The following PPARGC1A variants were observed in gnomAD, a reference collection of about 807,000 sequenced individuals.
PPARGC1A encodes the protein PPARG coactivator 1 alpha.
PPARGC1A carries 25 observed loss-of-function variants against 88.7 expected under a neutral mutation model. The observed-to-expected ratio is 0.28, with a 90% confidence interval of 0.21 to 0.39. The LOEUF (loss-of-function observed/expected upper bound fraction) is 0.39. Among genes scored for constraint, PPARGC1A ranks in the 10% least tolerant of loss-of-function variants. PPARGC1A has a pLI of 1.00. For synonymous variants in PPARGC1A, 363 were observed against 355.6 expected (o/e 1.02, Z -0.24); for missense variants, 880 against 968.7 (o/e 0.91, Z 1.22).
chr4:24,311,387 C>G, the PPARGC1A span, among the ~76,000 whole-genome samples: 22 of 149,818 alleles, frequency 1.5e-4, no homozygotes, highest in African/African-American at 5.4e-4. Context: ...AGGCGTGAGC[C>G]ACCATGCCCG....
At chr4:24,312,633 CAA>C in the PPARGC1A span, among the ~76,000 whole-genome samples, 21 of 125,992 alleles carry the variant, frequency 1.7e-4, no homozygotes, top group South Asian at 5.1e-4. Flanking sequence ...TTTCATCAAC[CAA>C]AAAAAAAAAA....
At chr4:24,367,147 G>A in the PPARGC1A span, among the ~76,000 whole-genome samples, 1 of 152,188 alleles carries the variant, frequency 6.6e-6, no homozygotes, top group Non-Finnish European at 1.5e-5. Flanking sequence ...GTAATCACTA[G>A]TAAGAGCCTA....
At chr4:24,296,036 ATGTG>A in the PPARGC1A span, among the ~76,000 whole-genome samples, 1 of 151,090 alleles carries the variant, frequency 6.6e-6, no homozygotes, top group Non-Finnish European at 1.5e-5. Flanking sequence ...GTGTGTATAT[ATGTG>A]TATGTGTGTA....
chr4:24,165,477 T>C, the PPARGC1A span, among the ~76,000 whole-genome samples: 15 of 152,234 alleles, frequency 9.9e-5, no homozygotes, highest in Non-Finnish European at 1.8e-4. Flanking sequence ...CATTGTTTTA[T>C]TGTGCTTTGC....
At chr4:24,091,726 G>T in the PPARGC1A span, 1 of 781,586 alleles carries the variant, frequency 1.3e-6, no homozygotes, top group Non-Finnish European at 1.6e-6. Context: ...GGGCTACCCA[G>T]ACAGATGCCA....
chr4:23,807,838 T>C (rs1720111387), intron 10 of PPARGC1A, among the ~76,000 whole-genome samples: 1 of 152,134 alleles, frequency 6.6e-6, no homozygotes, highest in Non-Finnish European at 1.5e-5. Context: ...AGGTACTATG[T>C]TGTATAGCAG....
chr4:24,291,043 T>C, the PPARGC1A span, among the ~76,000 whole-genome samples: 1 of 152,180 alleles, frequency 6.6e-6, no homozygotes, highest in Non-Finnish European at 1.5e-5. Flanking sequence ...CCCTCCTCTC[T>C]GGTTAGCCCT....
At chr4:24,188,113 C>T in the PPARGC1A span, among the ~76,000 whole-genome samples, 2 of 152,138 alleles carry the variant, frequency 1.3e-5, no homozygotes, top group African/African-American at 4.8e-5. Context: ...AAGGCAATGG[C>T]ATAATATAAT....
the PPARGC1A span, among the ~76,000 whole-genome samples, chr4:24,065,517 A>T: frequency 6.6e-6 from 1 of 152,166 alleles, no homozygotes; most frequent in Non-Finnish European, 1.5e-5. Flanking sequence ...CTTTTCATAG[A>T]ATTCATACCT....
At chr4:23,952,567 T>C in the PPARGC1A span, among the ~76,000 whole-genome samples, 4 of 152,144 alleles carry the variant, frequency 2.6e-5, no homozygotes, top group Non-Finnish European at 5.9e-5. Context: ...TGCTGTGTCC[T>C]CTTTTTTACC....
chr4:24,207,060 G>C, the PPARGC1A span, among the ~76,000 whole-genome samples: 1 of 151,940 alleles, frequency 6.6e-6, no homozygotes, highest in African/African-American at 2.4e-5. Context: ...AATGGGACTA[G>C]TCTTGCTCTC....
chr4:24,343,888 C>A, the PPARGC1A span, among the ~76,000 whole-genome samples: 2 of 148,872 alleles, frequency 1.3e-5, no homozygotes, highest in Admixed American at 6.7e-5. Context: ...TTATCCCTCA[C>A]CCCCCTCCCA....
chr4:24,126,267 CCACACACACA>C, the PPARGC1A span, among the ~76,000 whole-genome samples: 4 of 146,444 alleles, frequency 2.7e-5, no homozygotes, highest in South Asian at 2.2e-4. Context: ...TGGCTTCTCA[CCACACACACA>C]CACACACACA....
At chr4:24,167,917 C>A in the PPARGC1A span, among the ~76,000 whole-genome samples, 1 of 152,016 alleles carries the variant, frequency 6.6e-6, no homozygotes, top group East Asian at 1.9e-4. Flanking sequence ...CCATGCCTGG[C>A]TACTTTTTTT....
rs999278855 is a variant in PPARGC1A at position 23,792,233 on chromosome 4, C to T, written c.*3589G>A. ...ACCAACAGTATTACACTTTCACCTA[C>T]AAATCTTAAAGTAGCTCCATCAAAT... On this transcript the variant is annotated 3_prime_UTR_variant, in exon 13 of 13. Coordinates refer to ENST00000264867, the MANE Select transcript of PPARGC1A (RefSeq NM_013261.5). 5.2e-5 allele frequency: 8 copies of T among 152,602 alleles called. No individual in the cohort carries two copies. The highest frequency in any genetic ancestry group is 1.9e-4 in the African/African-American group (8 of 41,462). 9.5% of individuals were successfully genotyped at this position (152,602 alleles called of 1,614,324 possible). A position where few individuals can be genotyped will look rare whatever the true frequency, so the allele number is the denominator to read the frequency against.
chr4:24,199,676 C>CCTA, the PPARGC1A span, among the ~76,000 whole-genome samples: 3 of 152,190 alleles, frequency 2.0e-5, no homozygotes, highest in South Asian at 4.1e-4. Context: ...GAAATAAATT[C>CCTA]CTACTCAAAA....
chr4:24,404,780 G>A, the PPARGC1A span, among the ~76,000 whole-genome samples: 2 of 152,116 alleles, frequency 1.3e-5, no homozygotes, highest in African/African-American at 4.8e-5. Context: ...CCTTTTCTTT[G>A]GCAGAGTTGG....
At chr4:23,849,890 T>C (rs1173403909) in intron 2 of PPARGC1A, among the ~76,000 whole-genome samples, 1 of 151,806 alleles carries the variant, frequency 6.6e-6, no homozygotes, top group Non-Finnish European at 1.5e-5. Flanking sequence ...CCTGTCCTCA[T>C]GATGTTTACA....
the PPARGC1A span, among the ~76,000 whole-genome samples, chr4:24,282,235 A>G: frequency 6.6e-6 from 1 of 152,214 alleles, no homozygotes; most frequent in African/African-American, 2.4e-5. Flanking sequence ...TCTGACATGG[A>G]GGCCCATGAT....
Sources: allele counts gnomAD v4.1 joint callset (sites outside exome capture counted in the v4.1 genomes callset), GRCh38; gene constraint gnomAD v4.1.1; transcripts MANE v1.5; gene names NCBI Gene and HGNC (gene_info 2026-07-23, HGNC 2026-07-21).